FHIT: variants seen among roughly 807,000 people sequenced by gnomAD.
FHIT encodes bis(5'-adenosyl)-triphosphatase.
FHIT carries 19 observed loss-of-function variants against 17.9 expected under a neutral mutation model. The ratio of observed to expected loss-of-function variants is 1.06; its 90% confidence interval spans 0.74 to 1.56. The LOEUF (loss-of-function observed/expected upper bound fraction) is 1.56, where lower values mean the gene tolerates loss of function less well. FHIT is among the 40% of genes most tolerant of loss of function. FHIT has a pLI of 0.00. For missense variants in FHIT, 248 were observed against 189.2 expected (o/e 1.31, Z -1.82); for synonymous variants, 81 against 69.7 (o/e 1.16, Z -0.81).
At chr3:60,548,471 C>A (rs1045451584) in intron 4 of FHIT, among the ~76,000 whole-genome samples, 2 of 152,200 alleles carry the variant, frequency 1.3e-5, no homozygotes, top group Non-Finnish European at 2.9e-5. Context: ...TCAGCAAATG[C>A]ACCTAAGAAA....
intron 4 of FHIT, among the ~76,000 whole-genome samples, chr3:60,665,857 T>C (rs1553692341): frequency 6.6e-6 from 1 of 152,150 alleles, no homozygotes; most frequent in Non-Finnish European, 1.5e-5. Context: ...CCTCTGTTTC[T>C]CTTTTCTTGC....
intron 7 of FHIT, among the ~76,000 whole-genome samples, chr3:60,006,431 T>C (rs879747959): frequency 1.3e-5 from 2 of 152,122 alleles, no homozygotes; most frequent in Non-Finnish European, 2.9e-5. Flanking sequence ...CCACAATCTA[T>C]TTTATAGATG....
chr3:60,319,718 G>T (rs147034859), intron 5 of FHIT, among the ~76,000 whole-genome samples: 1 of 152,136 alleles, frequency 6.6e-6, no homozygotes, highest in Non-Finnish European at 1.5e-5. Context: ...AGTGATCACC[G>T]TGGAAGCTTC....
chr3:60,560,615 G>A (rs371212081), intron 4 of FHIT, among the ~76,000 whole-genome samples: 4 of 151,972 alleles, frequency 2.6e-5, no homozygotes, highest in African/African-American at 7.3e-5. Flanking sequence ...ATGGAAATGG[G>A]AAGAACCAGG....
At chr3:60,626,782 AC>A (rs1553681071) in intron 4 of FHIT, among the ~76,000 whole-genome samples, 1,039 of 69,884 alleles carry the variant, frequency 0.015, 5 homozygotes, top group Non-Finnish European at 0.02. Context: ...AGGGGAAAAC[AC>A]TCTTTTTTTT....
At chr3:60,198,706 C>A (rs1261899673) in intron 5 of FHIT, among the ~76,000 whole-genome samples, 1 of 152,140 alleles carries the variant, frequency 6.6e-6, no homozygotes, top group Non-Finnish European at 1.5e-5. Flanking sequence ...GGAGGCGGTG[C>A]AGCTCTGGTA....
intron 7 of FHIT, among the ~76,000 whole-genome samples, chr3:59,952,918 C>T (rs1444957059): frequency 6.6e-6 from 1 of 152,020 alleles, no homozygotes; most frequent in Non-Finnish European, 1.5e-5. Context: ...CTGAAGCCTA[C>T]GTTCCTTGAG....
chr3:60,593,013 T>C (rs560510172), intron 4 of FHIT, among the ~76,000 whole-genome samples: 35 of 152,204 alleles, frequency 2.3e-4, no homozygotes, highest in African/African-American at 7.9e-4. Flanking sequence ...TGACCTCAAA[T>C]TGATGGCACA....
rs556807832 is a variant in FHIT at position 59,851,742 on chromosome 3, C to G, written c.348+70604G>C. ...AGTTGCCATTCCCACTAGAATTTAC[C>G]TTGATCCCCAGTGATGCTACATGCA... is the stretch of plus-strand genomic sequence containing the variant. On this transcript the variant is annotated intron_variant, in intron 8 of 9. Transcript: ENST00000492590. 2.0e-5 allele frequency among the ~76,000 whole-genome samples: 3 copies of G among 152,308 alleles called. No individual in the cohort carries two copies. The South Asian group carries it at 6.2e-4, about 32-fold the overall frequency.
At chr3:60,252,975 G>A (rs1705803985) in intron 5 of FHIT, among the ~76,000 whole-genome samples, 1 of 152,044 alleles carries the variant, frequency 6.6e-6, no homozygotes, top group South Asian at 2.1e-4. Flanking sequence ...TCCAGCCTGG[G>A]TGACAGAGCG....
At chr3:60,336,051 CAAG>C (rs1252627429) in intron 5 of FHIT, among the ~76,000 whole-genome samples, 1 of 152,088 alleles carries the variant, frequency 6.6e-6, no homozygotes, top group African/African-American at 2.4e-5. Flanking sequence ...CCTGTACAAG[CAAG>C]AAGCTGTTTT....
At chr3:60,731,798 G>C (rs1171738249) in intron 4 of FHIT, among the ~76,000 whole-genome samples, 2 of 152,126 alleles carry the variant, frequency 1.3e-5, no homozygotes, top group Non-Finnish European at 2.9e-5. Context: ...TATTATTTGA[G>C]AGAACCATCT....
chr3:61,230,567 G>T (rs1468531043), intron 1 of FHIT, among the ~76,000 whole-genome samples: 1 of 151,974 alleles, frequency 6.6e-6, no homozygotes, highest in Non-Finnish European at 1.5e-5. Context: ...TGCAAGAATG[G>T]CCTAATATCA....
At chr3:60,369,656 T>C (rs1022623027) in intron 5 of FHIT, among the ~76,000 whole-genome samples, 10 of 152,196 alleles carry the variant, frequency 6.6e-5, no homozygotes, top group Non-Finnish European at 1.5e-4. Context: ...ATTGTGATTC[T>C]CCTAAGGTAG....
intron 5 of FHIT, among the ~76,000 whole-genome samples, chr3:60,189,724 C>G (rs1330163805): frequency 6.6e-6 from 1 of 152,182 alleles, no homozygotes; most frequent in Non-Finnish European, 1.5e-5. Context: ...AATCGTTTTT[C>G]AGCTCTCTGA....
At chr3:59,907,599 ATGCATGTGTG>A (rs979220192) in intron 8 of FHIT, among the ~76,000 whole-genome samples, 4 of 152,208 alleles carry the variant, frequency 2.6e-5, no homozygotes, top group African/African-American at 9.7e-5. Flanking sequence ...GGGCACGTGC[ATGCATGTGTG>A]TGCATGTGTG....
chr3:60,009,851 C>A (rs565132199), intron 7 of FHIT, among the ~76,000 whole-genome samples: 4 of 152,180 alleles, frequency 2.6e-5, no homozygotes, highest in African/African-American at 9.7e-5. Context: ...CTATTCAGAG[C>A]CTGTTGCATA....
At chr3:59,959,273 C>T (rs1447735394) in intron 7 of FHIT, among the ~76,000 whole-genome samples, 1 of 152,300 alleles carries the variant, frequency 6.6e-6, no homozygotes, top group South Asian at 2.1e-4. Context: ...CGGAGCTACC[C>T]TTTAAAGATG....
chr3:60,268,364 T>C (rs141889709), intron 5 of FHIT, among the ~76,000 whole-genome samples: 1,746 of 152,324 alleles, frequency 0.011, 16 homozygotes, highest in Middle Eastern at 0.034. Flanking sequence ...GCATAGTTCA[T>C]TCATAGCAGT....
Sources: gnomAD v4.1 joint callset for allele counts (sites outside exome capture counted in the v4.1 genomes callset) on GRCh38, gnomAD v4.1.1 for gene constraint, MANE v1.5 for transcripts, NCBI Gene and HGNC (gene_info 2026-07-23, HGNC 2026-07-21) for gene names.